OMA1: variants seen among roughly 807,000 people sequenced by gnomAD.
The protein encoded by OMA1 is OMA1 zinc metallopeptidase.
Under a neutral mutation model 30.9 loss-of-function variants are expected in OMA1, and 38 were observed. The observed-to-expected ratio is 1.23, with a 90% CI of 0.95 to 1.61. The LOEUF (loss-of-function observed/expected upper bound fraction) is 1.61. Ranked by LOEUF, OMA1 falls within the 40% of genes most tolerant of loss-of-function variation. The pLI is 0.00. For synonymous variants in OMA1, 173 were observed against 121.9 expected (o/e 1.42, Z -2.76); for missense variants, 461 against 349.2 (o/e 1.32, Z -2.55).
intron 7 of OMA1, among the ~76,000 whole-genome samples, chr1:58,524,283 A>C (rs913729979): frequency 6.6e-6 from 1 of 152,216 alleles, no homozygotes; most frequent in East Asian, 1.9e-4. Context: ...TTCTTAAAGC[A>C]TCTGGGAATG....
At chr1:58,508,653 C>A (rs1389671014) in intron 7 of OMA1, among the ~76,000 whole-genome samples, 2 of 152,052 alleles carry the variant, frequency 1.3e-5, no homozygotes, top group African/African-American at 2.4e-5. Flanking sequence ...AAGAGCTGCC[C>A]TAGGAACTGG....
chr1:58,513,445 T>C (rs887564365), intron 7 of OMA1, among the ~76,000 whole-genome samples: 1 of 152,174 alleles, frequency 6.6e-6, no homozygotes, highest in African/African-American at 2.4e-5. Context: ...AATAAAATTA[T>C]TGAACTGAAC....
chr1:58,500,810 A>G (rs1014892802), intron 8 of OMA1, among the ~76,000 whole-genome samples: 1 of 152,222 alleles, frequency 6.6e-6, no homozygotes. Flanking sequence ...GTGGAGAATA[A>G]GAAATTCAGT....
At chr1:58,503,749 G>A (rs1258106333) in intron 8 of OMA1, among the ~76,000 whole-genome samples, 1 of 152,066 alleles carries the variant, frequency 6.6e-6, no homozygotes, top group Non-Finnish European at 1.5e-5. Context: ...TTGGAAATTG[G>A]ATCTAAGATT....
chr1:58,505,979 T>C, intron 8 of OMA1, 81 bp downstream of exon 8: 1 of 743,928 alleles, frequency 1.3e-6, no homozygotes, highest in Non-Finnish European at 2.4e-6. Context: ...GAACTCTCTT[T>C]TACTAAGCAA....
At chr1:58,499,466 C>T (rs1472772150) in intron 8 of OMA1, among the ~76,000 whole-genome samples, 2 of 82,796 alleles carry the variant, frequency 2.4e-5, no homozygotes, top group African/African-American at 4.7e-5. Flanking sequence ...GCCTAGGGAA[C>T]AAAGCCAGAC....
chr1:58,500,124 AG>A (rs1557442795), intron 8 of OMA1, among the ~76,000 whole-genome samples: 2 of 152,140 alleles, frequency 1.3e-5, no homozygotes, highest in Non-Finnish European at 2.9e-5. Flanking sequence ...TCCCCTCAAA[AG>A]CAATTTTTTC....
Position 58,538,858 on chromosome 1 carries a change from G to C in OMA1, c.437C>G (p.Pro146Arg). 1.1e-6 allele frequency: 1 copy of C among 871,534 alleles called. No homozygotes were observed. The highest frequency in any genetic ancestry group is 1.3e-5 in the South Asian group (1 of 76,254). The allele number at this position is 871,534 out of a possible 1,614,324, so 54.0% of individuals were successfully genotyped here. A position where few individuals can be genotyped will look rare whatever the true frequency, so the allele number is the denominator to read the frequency against. Residue 146 changes from proline (P) to arginine (R), a missense_variant, in exon 2 of 9, where the codon CCG becomes CGG. Pro to Arg is a moderately radical substitution (Grantham distance 103). Transcript: ENST00000371226. The stretch of plus-strand genomic sequence containing the variant: ...AAGAATCATCAACAAGAGAGGAACC[G>C]GAGCAGCTTGAAACCGTGGAGAAGT... Reference protein sequence around the residue: ...FHTSPRFQAAPVPLLLMILKP... With the variant: ...FHTSPRFQAARVPLLLMILKP...
At chr1:58,499,685 T>C (rs893839640) in intron 8 of OMA1, among the ~76,000 whole-genome samples, 10 of 152,178 alleles carry the variant, frequency 6.6e-5, no homozygotes, top group Non-Finnish European at 1.3e-4. Flanking sequence ...TGTGAGGTGA[T>C]TAATATCTTA....
rs532878898 is a variant in OMA1, at chr1:58,492,882, C to T, written c.1366-11708G>A. Among the ~76,000 whole-genome samples, 579 of 152,174 alleles carry T rather than the reference C, an allele frequency of 3.8e-3. 2 individuals carry two copies. Among genetic ancestry groups the T allele is most frequent in the African/African-American group, 9.9e-3 (409 of 41,518 alleles). ...TTCCTTCTGAAACTATTCCAATCAA[C>T]AGAAAAAGAGAGAATCCTCCCTAAC... On this transcript the variant is annotated intron_variant, in intron 8 of 8. Coordinates refer to ENST00000371226, the MANE Select transcript of OMA1 (RefSeq NM_145243.5).
intron 2 of OMA1, among the ~76,000 whole-genome samples, chr1:58,538,008 G>A (rs746542361): frequency 1.3e-5 from 2 of 152,278 alleles, no homozygotes; most frequent in East Asian, 1.9e-4. Context: ...CAGCTGTATC[G>A]CTTTTGGGTG....
intron 5 of OMA1, among the ~76,000 whole-genome samples, chr1:58,532,661 G>A (rs1646452503): frequency 6.6e-6 from 1 of 152,088 alleles, no homozygotes; most frequent in Admixed American, 6.6e-5. Context: ...CAGAACAGCT[G>A]GAACTACAGG....
intron 5 of OMA1, among the ~76,000 whole-genome samples, chr1:58,533,504 CAT>C (rs74693254): frequency 3.9e-5 from 6 of 152,016 alleles, no homozygotes; most frequent in Non-Finnish European, 8.8e-5. Flanking sequence ...ATTAATTACA[CAT>C]GACACATCAT....
intron 6 of OMA1, among the ~76,000 whole-genome samples, chr1:58,530,338 A>T (rs1646415784): frequency 6.6e-6 from 1 of 152,186 alleles, no homozygotes; most frequent in African/African-American, 2.4e-5. Context: ...ACCAATAAAT[A>T]TATTTTCAAA....
intron 7 of OMA1, among the ~76,000 whole-genome samples, chr1:58,520,123 G>A (rs1238050422): frequency 6.6e-6 from 1 of 152,096 alleles, no homozygotes; most frequent in Admixed American, 6.6e-5. Flanking sequence ...GGGAGCAAGG[G>A]TTGAAAAACC....
At chr1:58,534,464 G>A (rs1401648164) in intron 3 of OMA1, 133 bp from the exon 4 acceptor site, 3 of 529,990 alleles carry the variant, frequency 5.7e-6, no homozygotes, top group Non-Finnish European at 9.9e-6. Context: ...CATATATTAA[G>A]CACTGAAATT....
Position 58,507,339 on chromosome 1 carries a change from T to C in OMA1, c.1216-1130A>G, listed in dbSNP as rs566824724. Reference sequence around the variant, plus strand: ...CTCAAAAAGATTTATAATAGTGTAATTGTGAAACCCCAAAAGGCAAATATA... The same window carrying C: ...CTCAAAAAGATTTATAATAGTGTAACTGTGAAACCCCAAAAGGCAAATATA... On this transcript the variant is annotated intron_variant, in intron 7 of 8. Coordinates refer to ENST00000371226, the MANE Select transcript of OMA1 (RefSeq NM_145243.5). 2.6e-5 allele frequency among the ~76,000 whole-genome samples: 4 copies of C among 152,068 alleles called. No individual in the cohort carries two copies. In the South Asian group the frequency reaches 6.2e-4, roughly 24 times the overall value.
At chr1:58,521,622 AAATAT>A (rs1646265995) in intron 7 of OMA1, among the ~76,000 whole-genome samples, 1 of 152,100 alleles carries the variant, frequency 6.6e-6, no homozygotes, top group Non-Finnish European at 1.5e-5. Flanking sequence ...TCAGACATTA[AAATAT>A]AATAAGAGTA....
chr1:58,539,556 T>G (rs1423841189), intron 1 of OMA1, among the ~76,000 whole-genome samples: 1 of 152,218 alleles, frequency 6.6e-6, no homozygotes, highest in East Asian at 1.9e-4. Context: ...TCATTTTTAA[T>G]TTTTAGTTAG....
Sources: gnomAD v4.1 joint callset for allele counts (sites outside exome capture counted in the v4.1 genomes callset) on GRCh38, gnomAD v4.1.1 for gene constraint, MANE v1.5 for transcripts, NCBI Gene and HGNC (gene_info 2026-07-23, HGNC 2026-07-21) for gene names.